Variants in SLC22A12 observed in about 807,000 individuals in gnomAD.
SLC22A12 encodes the protein solute carrier family 22 member 12.
SLC22A12 carries 56 observed loss-of-function variants against 52.7 expected under a neutral mutation model. That is an observed-to-expected ratio of 1.06 (90% CI 0.86 to 1.33). The LOEUF is 1.33. Ranked by LOEUF, SLC22A12 falls within the 40% of genes most tolerant of loss-of-function variation. The pLI, the probability that SLC22A12 is intolerant of heterozygous loss-of-function variation, is 0.00. For missense variants in SLC22A12, 683 were observed against 741.5 expected, an observed-to-expected ratio of 0.92 and a Z score of 0.92; for synonymous variants, 337 against 324.6, an observed-to-expected ratio of 1.04 and a Z score of -0.41.
intron 4 of SLC22A12, among the ~76,000 whole-genome samples, chr11:64,596,571 G>A (rs937162594): frequency 6.6e-6 from 1 of 152,194 alleles, no homozygotes; most frequent in African/African-American, 2.4e-5. Flanking sequence ...GAGCACAGCA[G>A]AGGCCCAGTG....
chr11:64,599,544 C>A (rs1349802787), intron 6 of SLC22A12, 132 bp from the exon 7 acceptor site: 2 of 697,438 alleles, frequency 2.9e-6, no homozygotes, highest in Non-Finnish European at 4.9e-6. Flanking sequence ...GAGCTGGCAG[C>A]TGAAGGGCCA....
In SLC22A12 at chr11:64,596,724, G is replaced by A. The variant is rs550730062; in HGVS notation, c.831-1792G>A. Among the ~76,000 whole-genome samples the A allele has an allele frequency of 6.6e-5, 10 of 152,308 alleles. No homozygotes were observed. In the South Asian group the frequency reaches 2.1e-3, roughly 32 times the overall value. ...ATCTCATACAGTGGCTCCACAAGGA[G>A]GCAATCGTGTCCGACAAGAGCCTTC... On this transcript the variant is annotated intron_variant, in intron 4 of 9. Coordinates refer to ENST00000377574, the MANE Select transcript of SLC22A12 (RefSeq NM_144585.4).
At chr11:64,595,554 GGATGGTTGGAATGGATGGATGGA>G (rs2039143138) in intron 4 of SLC22A12, among the ~76,000 whole-genome samples, 1 of 135,598 alleles carries the variant, frequency 7.4e-6, no homozygotes, top group Non-Finnish European at 1.6e-5. Context: ...ATGGATGGAT[GGATGGTTGGAATGGATGGATGGA>G]TGGAATGGAA....
At position 64,598,805 on chromosome 11, in the gene SLC22A12, C is replaced by A. The variant is rs1333367424; in HGVS notation, c.955-3C>A. 2 of 1,612,568 alleles carry A rather than the reference C, an allele frequency of 1.2e-6. No individual in the cohort carries two copies. The highest frequency in any genetic ancestry group is 2.2e-5 in the South Asian group (2 of 91,084). On this transcript the variant is annotated splice_polypyrimidine_tract_variant and splice_region_variant and intron_variant, in intron 5 of 9. Coordinates refer to ENST00000377574, the MANE Select transcript of SLC22A12 (RefSeq NM_144585.4). ...CCAACAGCACCCACCCCCGCCTCCA[C>A]AGGTCTTGCTTTCAGCCATGCGGGA...
intron 4 of SLC22A12, among the ~76,000 whole-genome samples, chr11:64,594,804 G>T (rs2039046853): frequency 6.6e-6 from 1 of 151,144 alleles, no homozygotes; most frequent in Admixed American, 6.6e-5. Context: ...ATGGATGGAT[G>T]AATGGATGGA....
At chr11:64,598,763 G>A (rs746579512) in intron 5 of SLC22A12, 45 bp from the exon 6 acceptor site, 2 of 1,610,534 alleles carry the variant, frequency 1.2e-6, no homozygotes, top group Non-Finnish European at 8.5e-7. Flanking sequence ...AGGAGGAGGT[G>A]CCTGGCGCCC....
Position 64,598,828 on chromosome 11 carries a change from G to C in SLC22A12, c.975G>C (p.Arg325=), listed in dbSNP as rs1267919586. ...LTPEVLLSAM[R]EELSMGQPPA... is the part of the protein sequence containing the mutation. The stretch of plus-strand genomic sequence containing the variant: ...CACAGGTCTTGCTTTCAGCCATGCG[G>C]GAGGAGCTGAGCATGGGCCAGCCTC... Residue 325 remains arginine (R), a synonymous_variant, in exon 6 of 10, where the codon CGG becomes CGC. Coordinates refer to ENST00000377574, the MANE Select transcript of SLC22A12 (RefSeq NM_144585.4). 1 of 1,612,610 alleles carries C rather than the reference G, an allele frequency of 6.2e-7. No individual in the cohort carries two copies. The highest frequency in any genetic ancestry group is 1.7e-5 in the Admixed American group (1 of 60,020).
At position 64,601,647 on chromosome 11, in the gene SLC22A12, GCC is replaced by G; in HGVS notation, c.*98_*99del. The G allele has an allele frequency of 7.1e-7, 1 of 1,400,842 alleles. No homozygotes were observed. The allele number at this position is 1,400,842 out of a possible 1,614,324, so 86.8% of individuals were successfully genotyped here. On this transcript the variant is annotated 3_prime_UTR_variant, in exon 10 of 10. Coordinates refer to ENST00000377574, the MANE Select transcript of SLC22A12 (RefSeq NM_144585.4). ...AAAGCAAAGACCTCCATTTCCAGAG[GCC>G]CAGAGGCTGCCCTCTGAGGTCCCCA...
At chr11:64,600,523 G>A (rs1225241144) in intron 8 of SLC22A12, 48 bp downstream of exon 8, 1 of 1,492,760 alleles carries the variant, frequency 6.7e-7, no homozygotes, top group Non-Finnish European at 9.1e-7. Flanking sequence ...GGGCTGAGCT[G>A]CGGGGCACCC....
rs1321892123 is a variant in SLC22A12, at chr11:64,591,571, ACTC to A, written c.18_20del (p.Leu7del). ...GAGTAGGTTCCATGGCATTTTCTGA[ACTC>A]CTGGACCTCGTGGGTGGCCTGGGCA... is the stretch of plus-strand genomic sequence containing the variant. On this transcript the variant is annotated inframe_deletion, in exon 1 of 10. Transcript: ENST00000377574. 1 of 1,611,694 alleles carries A rather than the reference ACTC, an allele frequency of 6.2e-7. No homozygotes were observed. Among genetic ancestry groups the A allele is most frequent in the Admixed American group, 1.7e-5 (1 of 59,966 alleles).
At chr11:64,598,034 C>T (rs2039309627) in intron 4 of SLC22A12, among the ~76,000 whole-genome samples, 1 of 152,114 alleles carries the variant, frequency 6.6e-6, no homozygotes, top group South Asian at 2.1e-4. Context: ...GAGGAAGATG[C>T]AGCCATGGGG....
In SLC22A12 at chr11:64,593,734, G is replaced by A. The variant is rs2038997319; in HGVS notation, c.761G>A (p.Gly254Asp). ...GGCCTGACAGCTGCAGTGGCCTACGGTGTGCGGGACTGGACACTGCTGCAG... is the reference window on the plus strand; with the variant it reads ...GGCCTGACAGCTGCAGTGGCCTACGATGTGCGGGACTGGACACTGCTGCAG... ...GHGLTAAVAYGVRDWTLLQLV... is the reference protein window; with the variant it reads ...GHGLTAAVAYDVRDWTLLQLV... The change falls in exon 4 of 10, where the codon GGT becomes GAT. Residue 254 changes from glycine to aspartate, a missense_variant. Transcript: ENST00000377574. The A allele has an allele frequency of 9.9e-6, 16 of 1,613,730 alleles. No individual in the cohort carries two copies. The highest frequency in any genetic ancestry group is 1.4e-5 in the Non-Finnish European group (16 of 1,180,030).
rs528519992 is a variant in SLC22A12 at position 64,596,466 on chromosome 11, G to A, written c.831-2050G>A. 7.9e-5 allele frequency among the ~76,000 whole-genome samples: 12 copies of A among 152,332 alleles called. No homozygotes were observed. In the South Asian group the frequency reaches 2.3e-3, roughly 29 times the overall value. ...GGATGGATGAATGGATAGATGGATGGACGGAGGCCATTTGAGGGCAGGGCT... is the reference window on the plus strand; with the variant it reads ...GGATGGATGAATGGATAGATGGATGAACGGAGGCCATTTGAGGGCAGGGCT... On this transcript the variant is annotated intron_variant, in intron 4 of 9. Coordinates refer to ENST00000377574, the MANE Select transcript of SLC22A12 (RefSeq NM_144585.4).
chr11:64,596,653 G>C (rs2039256002), intron 4 of SLC22A12, among the ~76,000 whole-genome samples: 1 of 152,224 alleles, frequency 6.6e-6, no homozygotes, highest in South Asian at 2.1e-4. Context: ...ACAGCTTGGA[G>C]TGGAGTAACA....
intron 4 of SLC22A12, 117 bp from the exon 5 acceptor site, chr11:64,598,399 C>T: frequency 6.8e-7 from 1 of 1,460,912 alleles, no homozygotes. Context: ...TCGGGGTCCT[C>T]AGCCGCCCTA....
At chr11:64,593,098 G>A (rs71581778) in intron 2 of SLC22A12, among the ~76,000 whole-genome samples, 4 of 152,354 alleles carry the variant, frequency 2.6e-5, no homozygotes, top group Middle Eastern at 6.8e-3. Context: ...TTACTCTGGG[G>A]GTTGTAGAGG....
intron 4 of SLC22A12, among the ~76,000 whole-genome samples, chr11:64,596,253 T>TGGATGGATGGAATGGATGGAGGGAGG (rs1554987881): frequency 8.7e-6 from 1 of 115,328 alleles, no homozygotes; most frequent in African/African-American, 3.5e-5. Flanking sequence ...ATGGAATGGA[T>TGGATGGATGGAATGGATGGAGGGAGG]GGATGGATGG....
intron 4 of SLC22A12, among the ~76,000 whole-genome samples, chr11:64,597,464 G>A (rs186119139): frequency 2.0e-4 from 31 of 152,204 alleles, no homozygotes; most frequent in South Asian, 1.5e-3. Context: ...CTTCCCCAGC[G>A]TGGGGAGCAG....
rs370847964 is a variant in SLC22A12, at chr11:64,598,798, G to T, written c.955-10G>T. 6.2e-7 allele frequency: 1 copy of T among 1,612,000 alleles called. No homozygotes were observed. ...CCCAGTGCCAACAGCACCCACCCCC[G>T]CCTCCACAGGTCTTGCTTTCAGCCA... is the stretch of plus-strand genomic sequence containing the variant. On this transcript the variant is annotated splice_polypyrimidine_tract_variant and intron_variant, in intron 5 of 9. Coordinates refer to ENST00000377574, the MANE Select transcript of SLC22A12 (RefSeq NM_144585.4).
Sources: gnomAD v4.1 joint callset for allele counts (sites outside exome capture counted in the v4.1 genomes callset) on GRCh38, gnomAD v4.1.1 for gene constraint, MANE v1.5 for transcripts, NCBI Gene and HGNC (gene_info 2026-07-23, HGNC 2026-07-21) for gene names.